Variants in IPO8 observed in about 807,000 individuals in gnomAD.
IPO8 encodes importin-8.
In IPO8, 65 loss-of-function variants were observed where a neutral mutation model predicts 141.2. That is an observed-to-expected ratio of 0.46 (90% confidence interval 0.38 to 0.57). The LOEUF is 0.57. Ranked by LOEUF, IPO8 falls within the 20% of genes least tolerant of loss-of-function variation. IPO8 has a pLI of 0.00. For synonymous variants in IPO8, 411 were observed against 420.3 expected (o/e 0.98, Z 0.27); for missense variants, 980 against 1,246.8 (o/e 0.79, Z 3.22).
In IPO8 at chr12:30,643,743, C is replaced by G. The variant is rs558197532; in HGVS notation, c.2269-4008G>C. Among the ~76,000 whole-genome samples the G allele has an allele frequency of 4.6e-5, 7 of 152,340 alleles. No individual in the cohort carries two copies. In the South Asian group the frequency reaches 1.4e-3, roughly 32 times the overall value. On this transcript the variant is annotated intron_variant, in intron 20 of 24. Coordinates refer to ENST00000256079, the MANE Select transcript of IPO8 (RefSeq NM_006390.4). ...AGGACACCCCTGGGTTTTGCCCCTTCGCATACATCCACTTCCCCTTTGACC... is the reference window on the plus strand; with the variant it reads ...AGGACACCCCTGGGTTTTGCCCCTTGGCATACATCCACTTCCCCTTTGACC...
At position 30,638,017 on chromosome 12, in the gene IPO8, G is replaced by T. The variant is rs548019776; in HGVS notation, c.2490-830C>A. 7.9e-5 allele frequency among the ~76,000 whole-genome samples: 12 copies of T among 152,198 alleles called. No homozygotes were observed. In the South Asian group the frequency reaches 2.5e-3, roughly 32 times the overall value. Reference sequence around the variant, plus strand: ...CAAGTCACTAATGCCCAACTAGTACGCTATAACAGAACTGTACTTGACCTG... The same window carrying T: ...CAAGTCACTAATGCCCAACTAGTACTCTATAACAGAACTGTACTTGACCTG... On this transcript the variant is annotated intron_variant, in intron 21 of 24. Coordinates refer to ENST00000256079, the MANE Select transcript of IPO8 (RefSeq NM_006390.4).
intron 8 of IPO8, among the ~76,000 whole-genome samples, chr12:30,671,384 A>G (rs1299608263): frequency 6.6e-6 from 1 of 152,210 alleles, no homozygotes; most frequent in Non-Finnish European, 1.5e-5. Context: ...AAAAATTACA[A>G]TAACAGGAGC....
chr12:30,666,134 G>C (rs1244234101), intron 11 of IPO8, 41 bp downstream of exon 11: 1 of 1,240,202 alleles, frequency 8.1e-7, no homozygotes, highest in Admixed American at 2.1e-5. Flanking sequence ...CTCAACACAG[G>C]CCACCTTTCA....
intron 4 of IPO8, 107 bp from the exon 5 acceptor site, chr12:30,680,745 T>C (rs541834142): frequency 1.2e-6 from 1 of 844,744 alleles, no homozygotes; most frequent in South Asian, 1.9e-5. Flanking sequence ...CAAAACAAAG[T>C]CATTAACATT....
At chr12:30,683,815 A>G (rs1158869014) in intron 3 of IPO8, among the ~76,000 whole-genome samples, 1 of 152,228 alleles carries the variant, frequency 6.6e-6, no homozygotes. Flanking sequence ...AACTGGAGAC[A>G]GTTCTTCTAG....
At chr12:30,667,244 C>T (rs1192702907) in intron 10 of IPO8, among the ~76,000 whole-genome samples, 1 of 152,150 alleles carries the variant, frequency 6.6e-6, no homozygotes, top group Non-Finnish European at 1.5e-5. Context: ...ATTTAATCCT[C>T]CCAGCACTAT....
chr12:30,688,497 C>A (rs941664616), intron 2 of IPO8: 6 of 368,494 alleles, frequency 1.6e-5, no homozygotes, highest in African/African-American at 1.3e-4. Flanking sequence ...TCTTTTAAAG[C>A]AAAAATCACA....
intron 1 of IPO8, among the ~76,000 whole-genome samples, chr12:30,693,550 A>C (rs2136179209): frequency 6.6e-6 from 1 of 152,336 alleles, no homozygotes; most frequent in South Asian, 2.1e-4. Context: ...GGTGGACCAT[A>C]ACCACTTATG....
At chr12:30,656,027 T>C (rs1376438702) in intron 17 of IPO8, among the ~76,000 whole-genome samples, 1 of 152,140 alleles carries the variant, frequency 6.6e-6, no homozygotes, top group Non-Finnish European at 1.5e-5. Flanking sequence ...GGTACCATAA[T>C]AGATAATAGG....
chr12:30,644,082 T>C (rs888033933), intron 20 of IPO8, among the ~76,000 whole-genome samples: 10 of 152,218 alleles, frequency 6.6e-5, no homozygotes, highest in African/African-American at 2.4e-4. Flanking sequence ...CAAAGATACC[T>C]GTTGGGGACA....
chr12:30,681,919 G>T, intron 3 of IPO8, 102 bp from the exon 4 acceptor site: 4 of 959,182 alleles, frequency 4.2e-6, no homozygotes, highest in Non-Finnish European at 6.1e-6. Context: ...TTCTATTTAC[G>T]TGTATTATAT....
Position 30,669,294 on chromosome 12 carries a change from A to AG in IPO8, c.1045-13_1045-12insC. The AG allele has an allele frequency of 7.8e-7, 1 of 1,281,282 alleles. No individual in the cohort carries two copies. Among genetic ancestry groups the AG allele is most frequent in the Non-Finnish European group, 1.1e-6 (1 of 913,176 alleles). 79.4% of individuals were successfully genotyped at this position (1,281,282 alleles called of 1,614,324 possible). ...TCTTCAGAGATATTCTAAAATGAGA[A>AG]AAAAAAAAAAACGTAACAAATGGGT... On this transcript the variant is annotated splice_polypyrimidine_tract_variant and intron_variant, in intron 9 of 24. Coordinates refer to ENST00000256079, the MANE Select transcript of IPO8 (RefSeq NM_006390.4).
intron 17 of IPO8, among the ~76,000 whole-genome samples, chr12:30,654,352 C>G (rs537595814): frequency 6.7e-6 from 1 of 148,900 alleles, no homozygotes; most frequent in Non-Finnish European, 1.5e-5. Flanking sequence ...AAAGCACACA[C>G]AACAAAAGCA....
chr12:30,658,576 G>A (rs1439652939), intron 16 of IPO8, among the ~76,000 whole-genome samples: 4 of 152,140 alleles, frequency 2.6e-5, no homozygotes, highest in African/African-American at 4.8e-5. Context: ...AATAAAAACA[G>A]AAAAGATGCT....
chr12:30,667,567 T>C (rs1297078303), intron 10 of IPO8, among the ~76,000 whole-genome samples: 3 of 152,160 alleles, frequency 2.0e-5, no homozygotes, highest in African/African-American at 7.2e-5. Flanking sequence ...AATGCAGTAA[T>C]TGTTCTTCCC....
At position 30,691,218 on chromosome 12, in the gene IPO8, G is replaced by A. The variant is rs191443274; in HGVS notation, c.85-641C>T. On this transcript the variant is annotated intron_variant, in intron 1 of 24. Coordinates refer to ENST00000256079, the MANE Select transcript of IPO8 (RefSeq NM_006390.4). ...TACAGGAAATAGGAGACCCAACAGA[G>A]CAAAACAGAGAAGATAATGTTACAA... Among the ~76,000 whole-genome samples the A allele has an allele frequency of 5.1e-4, 78 of 152,288 alleles. 1 individual carries two copies. Among genetic ancestry groups the A allele is most frequent in the African/African-American group, 1.8e-3 (73 of 41,562 alleles).
At chr12:30,681,520 A>G in intron 4 of IPO8, 139 bp downstream of exon 4, 1 of 713,766 alleles carries the variant, frequency 1.4e-6, no homozygotes, top group Non-Finnish European at 2.2e-6. Context: ...AAATAAACAC[A>G]TTTAAGCATG....
rs936897246 is a variant in IPO8 at position 30,695,006 on chromosome 12, A to G, written c.84+558T>C. On this transcript the variant is annotated intron_variant, in intron 1 of 24. Coordinates refer to ENST00000256079, the MANE Select transcript of IPO8 (RefSeq NM_006390.4). The surrounding 1 kb of genome is among the most constrained non-coding windows in gnomAD (Gnocchi z 4.2). ...GATGTGTCTTAGATAAAGCAGTATC[A>G]CCATGAAAACTGCCTATTCTTCCCA... is the stretch of plus-strand genomic sequence containing the variant. 6.6e-5 allele frequency: 30 copies of G among 456,054 alleles called. No homozygotes were observed. The highest frequency in any genetic ancestry group is 1.2e-4 in the Non-Finnish European group (27 of 226,886). The allele number at this position is 456,054 out of a possible 1,614,324, so 28.3% of individuals were successfully genotyped here.
intron 16 of IPO8, among the ~76,000 whole-genome samples, chr12:30,659,780 A>C (rs1412162603): frequency 4.1e-5 from 6 of 146,190 alleles, no homozygotes; most frequent in Admixed American, 4.1e-4. Flanking sequence ...GCGTGAATCC[A>C]GGAGACGGAG....
Sources: allele counts gnomAD v4.1 joint callset (sites outside exome capture counted in the v4.1 genomes callset), GRCh38; gene constraint gnomAD v4.1.1; non-coding constraint Gnocchi (gnomAD v3.1); transcripts MANE v1.5; gene names NCBI Gene and HGNC (gene_info 2026-07-23, HGNC 2026-07-21).